The following NTRK3 variants were observed in gnomAD, a reference collection of about 807,000 sequenced individuals.
The protein encoded by NTRK3 is neurotrophic receptor tyrosine kinase 3.
Under a neutral mutation model 91.7 loss-of-function variants are expected in NTRK3, and 24 were observed. The ratio of observed to expected loss-of-function variants is 0.26; its 90% CI spans 0.19 to 0.37. NTRK3 has a LOEUF of 0.37. Among genes scored for constraint, NTRK3 ranks in the 10% least tolerant of loss-of-function variants. The pLI, the probability that NTRK3 is intolerant of heterozygous loss-of-function variation, is 1.00. For missense variants in NTRK3, 880 were observed against 1,068.9 expected (o/e 0.82, Z 2.46); for synonymous variants, 483 against 404.0 (o/e 1.20, Z -2.34).
At position 88,240,669 on chromosome 15, in the gene NTRK3, C is replaced by G. The variant is rs940756403; in HGVS notation, c.248+15237G>C. Among the ~76,000 whole-genome samples, 6 of 152,208 alleles carry G rather than the reference C, an allele frequency of 3.9e-5. No homozygotes were observed. Among genetic ancestry groups the G allele is most frequent in the African/African-American group, 1.4e-4 (6 of 41,458 alleles). On this transcript the variant is annotated intron_variant, in intron 3 of 18. Coordinates refer to ENST00000394480, the Ensembl canonical transcript of NTRK3. The surrounding 1 kb of genome is among the most constrained non-coding windows in gnomAD (Gnocchi z 4.9). ...CACCTAGGGCAAGCTACTTAGCCAC[C>G]CTGTGCCTCAGTTTTCTCCCCTGTA...
chr15:87,982,057 C>T (rs1220115253), intron 14 of NTRK3, among the ~76,000 whole-genome samples: 1 of 152,164 alleles, frequency 6.6e-6, no homozygotes, highest in Non-Finnish European at 1.5e-5. Flanking sequence ...TGGAAAGATC[C>T]GTGTCGGATC....
chr15:88,089,771 T>C (rs1167239973), intron 13 of NTRK3, among the ~76,000 whole-genome samples: 1 of 152,166 alleles, frequency 6.6e-6, no homozygotes, highest in Non-Finnish European at 1.5e-5. Context: ...CCCCTGTGGC[T>C]CATTTCCCAT....
chr15:88,137,670 G>A, intron 6 of NTRK3, 109 bp from the exon 7 acceptor site: 1 of 1,093,396 alleles, frequency 9.1e-7, no homozygotes, highest in Admixed American at 2.1e-5. Flanking sequence ...ATTAAGGGGA[G>A]AAGGGATTTA....
chr15:88,159,318 A>G (rs1033398547), intron 5 of NTRK3, among the ~76,000 whole-genome samples: 1 of 152,210 alleles, frequency 6.6e-6, no homozygotes, highest in African/African-American at 2.4e-5. Context: ...CTCCTCCAAG[A>G]TAAGAGGTTA....
intron 10 of NTRK3, among the ~76,000 whole-genome samples, chr15:88,131,154 T>G (rs899551572): frequency 3.9e-5 from 6 of 152,256 alleles, no homozygotes; most frequent in African/African-American, 1.4e-4. Context: ...TAACAAGTTT[T>G]CAGCAGACGC....
chr15:88,167,324 C>T (rs1027603302), intron 5 of NTRK3, among the ~76,000 whole-genome samples: 10 of 152,130 alleles, frequency 6.6e-5, no homozygotes, highest in African/African-American at 2.2e-4. Flanking sequence ...AGCAGCATCA[C>T]GACTCTGAGG....
At chr15:87,927,309 A>T (rs1298221216) in intron 17 of NTRK3, 1 of 152,132 alleles carries the variant, frequency 6.6e-6, no homozygotes, top group East Asian at 1.9e-4. Context: ...CAAACATTCC[A>T]TTTTTCTCCA....
chr15:88,140,948 G>A (rs2042331554), intron 6 of NTRK3, among the ~76,000 whole-genome samples: 1 of 152,142 alleles, frequency 6.6e-6, no homozygotes, highest in Non-Finnish European at 1.5e-5. Context: ...GGGGATAAAA[G>A]AAGAGGAAAA....
exon 19 of NTRK3, chr15:87,873,280 A>G (rs905192186): frequency 2.2e-5 from 5 of 230,914 alleles, no homozygotes; most frequent in African/African-American, 1.1e-4. Context: ...TGAATGGAGG[A>G]AGCAGCACCT....
At chr15:87,925,713 AG>A (rs1474849667) in intron 17 of NTRK3, 2 of 183,830 alleles carry the variant, frequency 1.1e-5, no homozygotes, top group African/African-American at 4.7e-5. Context: ...ACTTAGCTCT[AG>A]GATTCATGAG....
chr15:88,060,375 C>T (rs2046103633), intron 13 of NTRK3, among the ~76,000 whole-genome samples: 1 of 135,200 alleles, frequency 7.4e-6, no homozygotes, highest in Non-Finnish European at 1.6e-5. Flanking sequence ...CAGAATGAGA[C>T]TCCATCTCAA....
chr15:88,174,128 T>C (rs1048939347), intron 5 of NTRK3, among the ~76,000 whole-genome samples: 1 of 152,110 alleles, frequency 6.6e-6, no homozygotes, highest in African/African-American at 2.4e-5. Flanking sequence ...AGACAACAGA[T>C]TTCCTCTGGT....
rs201703965 is a variant in NTRK3, at chr15:87,920,206, G to A, written c.2133+8985C>T. ...TAGATAATTAGTGTGCAGATCCACT[G>A]GCTTTAATCAAGGAAATAAGGTTGT... On this transcript the variant is annotated intron_variant, in intron 17 of 18. Coordinates refer to ENST00000394480, the Ensembl canonical transcript of NTRK3. 3.3e-5 allele frequency among the ~76,000 whole-genome samples: 5 copies of A among 152,258 alleles called. No homozygotes were observed. The East Asian group carries it at 9.6e-4, about 29-fold the overall frequency.
At chr15:87,925,548 G>A (rs1401991396) in intron 17 of NTRK3, 3 of 212,674 alleles carry the variant, frequency 1.4e-5, no homozygotes. Flanking sequence ...TCAGTAATCA[G>A]TGATAGCAGA....
exon 15 of NTRK3, chr15:87,940,643 T>C (rs1005004601): frequency 6.2e-7 from 1 of 1,613,924 alleles, no homozygotes; most frequent in Non-Finnish European, 8.5e-7. Context: ...ACAAGCATCT[T>C]GTCCTTGGTC....
In NTRK3 at chr15:88,112,510, G is replaced by A. The variant is rs190323089; in HGVS notation, c.1396+13761C>T. The stretch of plus-strand genomic sequence containing the variant: ...GGGTGGGGAGAAGACAGAAGGAAGC[G>A]AGGGACTGCCTTCTGCCTGCCACTG... On this transcript the variant is annotated intron_variant, in intron 13 of 18. Coordinates refer to ENST00000394480, the Ensembl canonical transcript of NTRK3. 4.9e-5 allele frequency among the ~76,000 whole-genome samples: 7 copies of A among 143,764 alleles called. No homozygotes were observed. In the East Asian group the frequency reaches 8.0e-4, roughly 16 times the overall value. The allele number at this position is 143,764 out of a possible 152,430, so 94.3% of individuals were successfully genotyped here. A position where few individuals can be genotyped will look rare whatever the true frequency, so the allele number is the denominator to read the frequency against.
At chr15:88,132,478 C>A (rs2151165979) in intron 10 of NTRK3, among the ~76,000 whole-genome samples, 1 of 152,308 alleles carries the variant, frequency 6.6e-6, no homozygotes, top group Middle Eastern at 3.4e-3. Context: ...GCCCAGGCCA[C>A]CAGATGGGAG....
At chr15:87,871,213 G>A (rs2064820429) in exon 19 of NTRK3, 1 of 231,094 alleles carries the variant, frequency 4.3e-6, no homozygotes. Context: ...ACCAAAGACA[G>A]TTCTTGTTGC....
chr15:88,213,710 C>T (rs2049468326), intron 3 of NTRK3, among the ~76,000 whole-genome samples: 1 of 152,142 alleles, frequency 6.6e-6, no homozygotes, highest in African/African-American at 2.4e-5. Flanking sequence ...CTAATACTAT[C>T]ACCATTTTAC....
Sources: gnomAD v4.1 joint callset for allele counts (sites outside exome capture counted in the v4.1 genomes callset) on GRCh38, gnomAD v4.1.1 for gene constraint, Gnocchi (gnomAD v3.1) non-coding constraint, MANE v1.5 for transcripts, NCBI Gene and HGNC (gene_info 2026-07-23, HGNC 2026-07-21) for gene names.